ADSS2: variants seen among roughly 807,000 people sequenced by gnomAD.
ADSS2 encodes the protein adenylosuccinate synthase 2.
A neutral mutation model predicts 60.0 loss-of-function variants in ADSS2; 30 were observed. The ratio of observed to expected loss-of-function variants is 0.50; its 90% CI spans 0.37 to 0.68. The LOEUF (loss-of-function observed/expected upper bound fraction) is 0.68, where lower values mean the gene tolerates loss of function less well. ADSS2 is among the 30% of genes least tolerant of loss of function. The probability of loss-of-function intolerance (pLI) is 0.00; values close to 1 mark genes in which losing one functional copy is unlikely to be tolerated. For synonymous variants in ADSS2, 187 were observed against 193.1 expected, an observed-to-expected ratio of 0.97 and a Z score of 0.26; for missense variants, 373 against 554.8, an observed-to-expected ratio of 0.67 and a Z score of 3.29.
intron 3 of ADSS2, among the ~76,000 whole-genome samples, chr1:244,433,421 T>C (rs1290729079): frequency 2.0e-5 from 3 of 152,162 alleles, no homozygotes; most frequent in African/African-American, 7.2e-5. Context: ...TTCAAACCAG[T>C]CACATCCAAA....
chr1:244,447,250 C>T (rs938306980), intron 1 of ADSS2, among the ~76,000 whole-genome samples: 2 of 152,118 alleles, frequency 1.3e-5, no homozygotes, highest in Non-Finnish European at 2.9e-5. Context: ...TAGCTGGATT[C>T]GTATCCAGTT....
In ADSS2 at chr1:244,409,521, T is replaced by A; in HGVS notation, c.*65A>T. The A allele has an allele frequency of 7.8e-7, 1 of 1,286,930 alleles. No homozygotes were observed. The highest frequency in any genetic ancestry group is 1.2e-5 in the South Asian group (1 of 80,098). The allele number at this position is 1,286,930 out of a possible 1,614,324, so 79.7% of individuals were successfully genotyped here. A position where few individuals can be genotyped will look rare whatever the true frequency, so the allele number is the denominator to read the frequency against. On this transcript the variant is annotated 3_prime_UTR_variant, in exon 13 of 13. Transcript: ENST00000366535. ...TATTCTTGAATTTGCAGGTCATAAATGAAATATTTAAGAAAGTCTTTTCCC... is the reference window on the plus strand; with the variant it reads ...TATTCTTGAATTTGCAGGTCATAAAAGAAATATTTAAGAAAGTCTTTTCCC...
chr1:244,418,532 G>A (rs1208020021), intron 9 of ADSS2, among the ~76,000 whole-genome samples: 1 of 152,010 alleles, frequency 6.6e-6, no homozygotes, highest in Non-Finnish European at 1.5e-5. Context: ...TGTTGCCCCA[G>A]CTGATCTTGA....
intron 10 of ADSS2, 109 bp downstream of exon 10, chr1:244,417,519 A>T: frequency 7.5e-7 from 1 of 1,324,800 alleles, no homozygotes. Flanking sequence ...CAATTTCAAT[A>T]TGGAGTCTAA....
chr1:244,433,327 A>G (rs1429430536), intron 3 of ADSS2, among the ~76,000 whole-genome samples: 1 of 152,228 alleles, frequency 6.6e-6, no homozygotes, highest in African/African-American at 2.4e-5. Flanking sequence ...ATGTCTAACA[A>G]GAGTTTTCTC....
chr1:244,417,608 T>A lies in ADSS2; in HGVS notation c.1070+20A>T, dbSNP rs369307334. Reference sequence around the variant, plus strand: ...ATCATCTATGATTTCCTGAAATAAATGTTTCTGAAGAATACTCACGCAGTA... The same window carrying A: ...ATCATCTATGATTTCCTGAAATAAAAGTTTCTGAAGAATACTCACGCAGTA... On this transcript the variant is annotated intron_variant, in intron 10 of 12. Transcript: ENST00000366535. 23 of 1,609,952 alleles carry A rather than the reference T, an allele frequency of 1.4e-5. No homozygotes were observed. Among genetic ancestry groups the A allele is most frequent in the Non-Finnish European group, 1.7e-5 (20 of 1,179,008 alleles).
At chr1:244,414,874 T>C (rs1664493862) in intron 11 of ADSS2, among the ~76,000 whole-genome samples, 1 of 152,210 alleles carries the variant, frequency 6.6e-6, no homozygotes, top group Admixed American at 6.5e-5. Flanking sequence ...CTCAATTTAG[T>C]ATAACTCTAA....
At chr1:244,436,328 T>C (rs947803445) in intron 3 of ADSS2, among the ~76,000 whole-genome samples, 2 of 152,144 alleles carry the variant, frequency 1.3e-5, no homozygotes, top group African/African-American at 2.4e-5. Context: ...AAGGCAAGAA[T>C]CCAGGACTAT....
intron 3 of ADSS2, 70 bp from the exon 4 acceptor site, chr1:244,432,665 T>TTTC: frequency 1.2e-6 from 1 of 868,066 alleles, no homozygotes; most frequent in Middle Eastern, 4.2e-4. Flanking sequence ...AATTTCTTTT[T>TTTC]TTTTTTTTTT....
chr1:244,430,627 G>A (rs1220890910), intron 4 of ADSS2, among the ~76,000 whole-genome samples: 1 of 152,226 alleles, frequency 6.6e-6, no homozygotes, highest in Non-Finnish European at 1.5e-5. Context: ...CTAATGCAGC[G>A]CCTTGCTTTA....
chr1:244,443,020 C>A (rs1183308290), intron 1 of ADSS2, among the ~76,000 whole-genome samples: 1 of 152,252 alleles, frequency 6.6e-6, no homozygotes. Flanking sequence ...TGGAGCTGCT[C>A]CTACATGGGC....
At chr1:244,413,655 G>C (rs1664466509) in intron 11 of ADSS2, among the ~76,000 whole-genome samples, 1 of 152,144 alleles carries the variant, frequency 6.6e-6, no homozygotes, top group African/African-American at 2.4e-5. Flanking sequence ...CCCCCCAGAA[G>C]TCCATGTGAG....
intron 3 of ADSS2, among the ~76,000 whole-genome samples, chr1:244,436,194 T>C (rs1441957785): frequency 6.6e-6 from 1 of 152,194 alleles, no homozygotes; most frequent in Non-Finnish European, 1.5e-5. Flanking sequence ...TGGGAGCATT[T>C]TGGATTTCAG....
Position 244,408,512 on chromosome 1 carries a change from C to G in ADSS2, c.*1074G>C, listed in dbSNP as rs115523508. The G allele has an allele frequency of 1.3e-5, 2 of 152,534 alleles. No homozygotes were observed. Among genetic ancestry groups the G allele is most frequent in the Admixed American group, 1.3e-4 (2 of 15,274 alleles). The allele number at this position is 152,534 out of a possible 1,614,324, so 9.4% of individuals were successfully genotyped here. ...CAAAGCATACTAGAAATATTTGGTT[C>G]TTTTAATCAGCTATTCATGGTGTAA... On this transcript the variant is annotated 3_prime_UTR_variant, in exon 13 of 13. Coordinates refer to ENST00000366535, the MANE Select transcript of ADSS2 (RefSeq NM_001126.5).
At chr1:244,442,522 T>C (rs1483922000) in intron 1 of ADSS2, among the ~76,000 whole-genome samples, 1 of 152,204 alleles carries the variant, frequency 6.6e-6, no homozygotes, top group Non-Finnish European at 1.5e-5. Flanking sequence ...GGAAACATTG[T>C]TAAATATACC....
chr1:244,441,550 CA>C (rs566813295), intron 1 of ADSS2, among the ~76,000 whole-genome samples: 2 of 152,028 alleles, frequency 1.3e-5, no homozygotes, highest in South Asian at 2.1e-4. Flanking sequence ...CACTATAGCC[CA>C]AGCAGGCCTT....
chr1:244,428,184 C>A (rs1475643107), intron 4 of ADSS2, among the ~76,000 whole-genome samples: 1 of 152,080 alleles, frequency 6.6e-6, no homozygotes, highest in South Asian at 2.1e-4. Context: ...TTTCTAAGTG[C>A]ATGAAGACAT....
At chr1:244,433,568 C>T (rs1394302522) in intron 3 of ADSS2, among the ~76,000 whole-genome samples, 2 of 152,040 alleles carry the variant, frequency 1.3e-5, no homozygotes, top group Non-Finnish European at 2.9e-5. Flanking sequence ...ATAGTTATAA[C>T]AAATATGGGC....
intron 8 of ADSS2, among the ~76,000 whole-genome samples, chr1:244,419,463 A>T (rs1429582556): frequency 6.6e-6 from 1 of 152,216 alleles, no homozygotes; most frequent in African/African-American, 2.4e-5. Context: ...CACTCTACCA[A>T]GTAGACACTC....
Sources: gnomAD v4.1 joint callset for allele counts (sites outside exome capture counted in the v4.1 genomes callset) on GRCh38, gnomAD v4.1.1 for gene constraint, MANE v1.5 for transcripts, NCBI Gene and HGNC (gene_info 2026-07-23, HGNC 2026-07-21) for gene names.